TBC1D5: variants seen among roughly 807,000 people sequenced by gnomAD.
TBC1D5 encodes the protein TBC1 domain family member 5.
TBC1D5 carries 75 observed loss-of-function variants against 100.3 expected under a neutral mutation model. The ratio of observed to expected loss-of-function variants is 0.75; its 90% CI spans 0.62 to 0.91. TBC1D5 has a LOEUF of 0.91. Among genes scored for constraint, TBC1D5 ranks in the 40% least tolerant of loss-of-function variants. TBC1D5 has a pLI of 0.00. For synonymous variants in TBC1D5, 323 were observed against 325.6 expected, an observed-to-expected ratio of 0.99 and a Z score of 0.09; for missense variants, 910 against 942.4, an observed-to-expected ratio of 0.97 and a Z score of 0.45.
At chr3:17,414,390 A>G (rs985949771) in intron 4 of TBC1D5, among the ~76,000 whole-genome samples, 9 of 152,196 alleles carry the variant, frequency 5.9e-5, no homozygotes, top group Non-Finnish European at 1.0e-4. Context: ...AAATTTTTGA[A>G]TCTGTTTCTA....
chr3:17,301,659 G>C (rs78708968), intron 14 of TBC1D5, among the ~76,000 whole-genome samples: 1 of 152,322 alleles, frequency 6.6e-6, no homozygotes, highest in East Asian at 1.9e-4. Context: ...GACTAATGTA[G>C]CACTTAGTTA....
chr3:17,552,192 G>C (rs112359742), intron 2 of TBC1D5, among the ~76,000 whole-genome samples: 3 of 138,724 alleles, frequency 2.2e-5, no homozygotes, highest in African/African-American at 7.9e-5. Flanking sequence ...TCTTAAGAGA[G>C]AAAAAAAAAA....
Position 17,228,967 on chromosome 3 carries a change from C to T in TBC1D5, c.1588+9196G>A, listed in dbSNP as rs570936549. On this transcript the variant is annotated intron_variant, in intron 17 of 21. Transcript: ENST00000253692. ...TGCTTATTAAGCTCCTACCATGTCC[C>T]ATGAATAATATTTTCATGGATTTTC... Among the ~76,000 whole-genome samples, 8 of 152,098 alleles carry T rather than the reference C, an allele frequency of 5.3e-5. No homozygotes were observed. The East Asian group carries it at 1.4e-3, about 26-fold the overall frequency.
chr3:17,261,541 T>C (rs2078288065), intron 15 of TBC1D5, among the ~76,000 whole-genome samples: 1 of 152,152 alleles, frequency 6.6e-6, no homozygotes, highest in Admixed American at 6.5e-5. Flanking sequence ...TACTGCTATC[T>C]TGGCTCATTG....
At chr3:17,648,604 T>C (rs1440200397) in intron 1 of TBC1D5, among the ~76,000 whole-genome samples, 1 of 152,132 alleles carries the variant, frequency 6.6e-6, no homozygotes, top group Non-Finnish European at 1.5e-5. Context: ...CCATCCAGCA[T>C]CTATAAGGAA....
chr3:17,484,306 A>T (rs538359828), intron 3 of TBC1D5, among the ~76,000 whole-genome samples: 4 of 152,344 alleles, frequency 2.6e-5, no homozygotes, highest in African/African-American at 9.6e-5. Flanking sequence ...AAAACAGTTT[A>T]CTATGGTGTG....
chr3:17,347,399 T>C (rs1023093093), intron 13 of TBC1D5, among the ~76,000 whole-genome samples: 20 of 152,192 alleles, frequency 1.3e-4, no homozygotes, highest in African/African-American at 4.8e-4. Flanking sequence ...CACAGTCACT[T>C]ATTTCAGTAG....
At chr3:17,376,903 G>A (rs1287967853) in intron 9 of TBC1D5, among the ~76,000 whole-genome samples, 2 of 152,092 alleles carry the variant, frequency 1.3e-5, no homozygotes, top group African/African-American at 4.8e-5. Flanking sequence ...GCACCTGTCA[G>A]TTGCTTCAAG....
chr3:17,585,475 T>C (rs1338508936), intron 2 of TBC1D5, among the ~76,000 whole-genome samples: 1 of 152,332 alleles, frequency 6.6e-6, no homozygotes, highest in African/African-American at 2.4e-5. Flanking sequence ...CTTATGTTCT[T>C]ACTACAAAAG....
chr3:17,430,965 A>G lies in TBC1D5; in HGVS notation c.98-2446T>C, dbSNP rs138886963. Among the ~76,000 whole-genome samples the G allele has an allele frequency of 7.2e-5, 11 of 152,080 alleles. No individual in the cohort carries two copies. The East Asian group carries it at 2.1e-3, about 29-fold the overall frequency. On this transcript the variant is annotated intron_variant, in intron 3 of 21. Transcript: ENST00000253692. ...CATTTTTCATTTAAGCTATAATATGATAAAAAACATATCTGTAACACCAGA... is the reference window on the plus strand; with the variant it reads ...CATTTTTCATTTAAGCTATAATATGGTAAAAAACATATCTGTAACACCAGA...
intron 16 of TBC1D5, among the ~76,000 whole-genome samples, chr3:17,239,406 TATATGTATATGTACA>T (rs2076132921): frequency 6.6e-6 from 1 of 152,186 alleles, no homozygotes; most frequent in Non-Finnish European, 1.5e-5. Context: ...CCATGGTGAG[TATATGTATATGTACA>T]CTAAATTCTC....
chr3:17,526,297 A>C (rs2096134468), intron 2 of TBC1D5, among the ~76,000 whole-genome samples: 1 of 151,998 alleles, frequency 6.6e-6, no homozygotes, highest in Non-Finnish European at 1.5e-5. Context: ...AGCTCACTGC[A>C]CTCTCCAACT....
At chr3:17,436,785 A>C (rs2094543532) in intron 3 of TBC1D5, among the ~76,000 whole-genome samples, 1 of 152,202 alleles carries the variant, frequency 6.6e-6, no homozygotes, top group Admixed American at 6.5e-5. Flanking sequence ...ACTAAAACTA[A>C]CATGTATGAT....
In TBC1D5 at chr3:17,388,358, GA is replaced by G. The variant is rs1357358065; in HGVS notation, c.510-4344del. ...TAAATTTTAAAAATCTTTCATTATG[GA>G]AAATTCAAACATTTAATAAAGACAA... On this transcript the variant is annotated intron_variant, in intron 8 of 21. Coordinates refer to ENST00000253692, the Ensembl canonical transcript of TBC1D5. Among the ~76,000 whole-genome samples, 4 of 151,968 alleles carry G rather than the reference GA, an allele frequency of 2.6e-5. No homozygotes were observed. In the East Asian group the frequency reaches 7.7e-4, roughly 29 times the overall value.
At chr3:17,174,267 C>A (rs912278340) in intron 19 of TBC1D5, among the ~76,000 whole-genome samples, 1 of 151,936 alleles carries the variant, frequency 6.6e-6, no homozygotes, top group African/African-American at 2.4e-5. Context: ...CTGCACTGTT[C>A]TACCTGGCAC....
intron 3 of TBC1D5, among the ~76,000 whole-genome samples, chr3:17,501,016 T>C (rs1209044124): frequency 6.7e-6 from 1 of 149,708 alleles, no homozygotes; most frequent in Admixed American, 6.6e-5. Context: ...AATCTGTTTT[T>C]AAAGAGATAT....
intron 3 of TBC1D5, among the ~76,000 whole-genome samples, chr3:17,491,795 AGGATGATG>A (rs1325083518): frequency 0.011 from 1,717 of 152,292 alleles, 25 homozygotes; most frequent in African/African-American, 0.038. Flanking sequence ...TTTCGGTATC[AGGATGATG>A]TAAGCTTCAT....
intron 1 of TBC1D5, among the ~76,000 whole-genome samples, chr3:17,626,052 T>A (rs1203528502): frequency 2.6e-5 from 4 of 152,160 alleles, no homozygotes; most frequent in Non-Finnish European, 5.9e-5. Context: ...TATAGCATTA[T>A]GTGTATTTAG....
chr3:17,236,581 G>A (rs1302656742), intron 17 of TBC1D5, among the ~76,000 whole-genome samples: 1 of 151,906 alleles, frequency 6.6e-6, no homozygotes, highest in Non-Finnish European at 1.5e-5. Flanking sequence ...CGCCTCCTAG[G>A]TTCAAATGAT....
Sources: allele counts gnomAD v4.1 joint callset (sites outside exome capture counted in the v4.1 genomes callset), GRCh38; gene constraint gnomAD v4.1.1; transcripts MANE v1.5; gene names NCBI Gene and HGNC (gene_info 2026-07-23, HGNC 2026-07-21).